SLCO4C1: variants seen among roughly 807,000 people sequenced by gnomAD.
The protein encoded by SLCO4C1 is organic anion transporter M1.
Under a neutral mutation model 72.1 loss-of-function variants are expected in SLCO4C1, and 58 were observed. That is an observed-to-expected ratio of 0.80 (90% CI 0.65 to 1.00). The LOEUF (loss-of-function observed/expected upper bound fraction) is 1.00. Ranked by LOEUF, SLCO4C1 falls within the 50% of genes least tolerant of loss-of-function variation. SLCO4C1 has a pLI of 0.00. For missense variants in SLCO4C1, 898 were observed against 857.9 expected, an observed-to-expected ratio of 1.05 and a Z score of -0.58; for synonymous variants, 297 against 312.5, an observed-to-expected ratio of 0.95 and a Z score of 0.52.
chr5:102,270,324 G>A (rs1416985298), intron 3 of SLCO4C1, among the ~76,000 whole-genome samples: 1 of 151,992 alleles, frequency 6.6e-6, no homozygotes, highest in African/African-American at 2.4e-5. Context: ...TGTCACTTGT[G>A]AAAGTTACCC....
At chr5:102,285,600 T>C (rs1351559772) in intron 2 of SLCO4C1, among the ~76,000 whole-genome samples, 2 of 152,190 alleles carry the variant, frequency 1.3e-5, no homozygotes, top group Non-Finnish European at 2.9e-5. Context: ...TAATTCATAT[T>C]ATCTAGGAAG....
intron 8 of SLCO4C1, among the ~76,000 whole-genome samples, chr5:102,251,697 A>G (rs538707865): frequency 1.3e-5 from 2 of 152,270 alleles, no homozygotes; most frequent in South Asian, 4.2e-4. Flanking sequence ...TAAGATTAAG[A>G]GTATCTCCAA....
intron 8 of SLCO4C1, among the ~76,000 whole-genome samples, chr5:102,254,474 C>A (rs1401123617): frequency 6.6e-6 from 1 of 152,018 alleles, no homozygotes; most frequent in Non-Finnish European, 1.5e-5. Context: ...TTCAGGACAC[C>A]ATGAACCATG....
intron 2 of SLCO4C1, among the ~76,000 whole-genome samples, chr5:102,289,592 T>G (rs1749517850): frequency 6.6e-6 from 1 of 152,188 alleles, no homozygotes; most frequent in Non-Finnish European, 1.5e-5. Flanking sequence ...AGATGAAAAT[T>G]TAGATATTCC....
intron 2 of SLCO4C1, among the ~76,000 whole-genome samples, chr5:102,283,103 A>G (rs891616811): frequency 6.6e-6 from 1 of 151,918 alleles, no homozygotes; most frequent in African/African-American, 2.4e-5. Context: ...ATGATCTTAG[A>G]AATATATCTA....
chr5:102,243,489 G>A lies in SLCO4C1; in HGVS notation c.1812-2707C>T, dbSNP rs74588340. Among the ~76,000 whole-genome samples the A allele has an allele frequency of 8.7e-4, 132 of 152,306 alleles. 1 individual carries two copies. The East Asian group carries it at 0.025, about 29-fold the overall frequency. On this transcript the variant is annotated intron_variant, in intron 10 of 12. Transcript: ENST00000310954. The stretch of plus-strand genomic sequence containing the variant: ...ATCACTCCACCTTCAGCTTTAGGTG[G>A]CTCAGAACAGAGGGAGAGAGACTGC...
intron 6 of SLCO4C1, among the ~76,000 whole-genome samples, chr5:102,259,718 C>G (rs977786897): frequency 1.3e-5 from 2 of 152,032 alleles, no homozygotes; most frequent in African/African-American, 2.4e-5. Flanking sequence ...ACCTCTTTCA[C>G]AAAAGAAAAA....
intron 2 of SLCO4C1, among the ~76,000 whole-genome samples, chr5:102,279,693 T>C (rs942916668): frequency 2.0e-5 from 3 of 152,036 alleles, no homozygotes; most frequent in African/African-American, 7.2e-5. Context: ...CCAAACAGAA[T>C]TCACAAATAT....
chr5:102,249,655 C>T lies in SLCO4C1; in HGVS notation c.1603G>A (p.Ala535Thr). ...TAAGCTACCTTTGGCTTCCTGTGTG[C>T]AACTGGGTTTGAACAGCCTGCAAAG... The part of the protein sequence containing the change: ...PCFAGCSNPV[A>T]HRKPKVYYNC... The change falls in exon 9 of 13, where the codon GCA becomes ACA. Residue 535 changes from alanine (A) to threonine (T), a missense_variant. By Grantham distance (58) the Ala-to-Thr change is moderately conservative. Coordinates refer to ENST00000310954, the MANE Select transcript of SLCO4C1 (RefSeq NM_180991.5). The T allele has an allele frequency of 6.2e-7, 1 of 1,613,648 alleles. No homozygotes were observed. Among genetic ancestry groups the T allele is most frequent in the Non-Finnish European group, 8.5e-7 (1 of 1,179,850 alleles).
At position 102,240,726 on chromosome 5, in the gene SLCO4C1, C is replaced by A; in HGVS notation, c.1868G>T (p.Arg623Leu). 6.2e-7 allele frequency: 1 copy of A among 1,610,116 alleles called. No individual in the cohort carries two copies. Residue 623 changes from arginine to leucine, a missense_variant, in exon 11 of 13, where the codon CGA (arginine) becomes CTA (leucine). By Grantham distance (102) the Arg-to-Leu change is moderately radical (BLOSUM62 -2). Coordinates refer to ENST00000310954, the MANE Select transcript of SLCO4C1 (RefSeq NM_180991.5). The part of the protein sequence containing the change: ...LALGIQFMVL[R>L]LLGTIPGPII... The stretch of plus-strand genomic sequence containing the variant: ...AAAGAAAAATGGCATACCTAATAAT[C>A]GAAGGACCATAAATTGTATTCCCAA...
intron 10 of SLCO4C1, among the ~76,000 whole-genome samples, chr5:102,246,369 G>A (rs544465041): frequency 6.6e-6 from 1 of 152,150 alleles, no homozygotes; most frequent in Non-Finnish European, 1.5e-5. Flanking sequence ...GCTACTATGA[G>A]CAACAATATG....
chr5:102,285,212 T>TACACACACACACACACACACAC (rs3070619), intron 2 of SLCO4C1, among the ~76,000 whole-genome samples: 33 of 147,960 alleles, frequency 2.2e-4, no homozygotes, highest in African/African-American at 7.8e-4. Flanking sequence ...TATATATACA[T>TACACACACACACACACACACAC]ACACACACAC....
At chr5:102,243,501 G>C (rs538645025) in intron 10 of SLCO4C1, among the ~76,000 whole-genome samples, 1 of 152,318 alleles carries the variant, frequency 6.6e-6, no homozygotes, top group Non-Finnish European at 1.5e-5. Flanking sequence ...TCAGAACAGA[G>C]GGAGAGAGAC....
rs1213437000 is a variant in SLCO4C1, at chr5:102,234,366, G to A, written c.*2492C>T. The A allele has an allele frequency of 6.6e-6, 1 of 152,480 alleles. No homozygotes were observed. Among genetic ancestry groups the A allele is most frequent in the South Asian group, 2.1e-4 (1 of 4,826 alleles). 9.4% of individuals were successfully genotyped at this position (152,480 alleles called of 1,614,324 possible). On this transcript the variant is annotated 3_prime_UTR_variant, in exon 13 of 13. Transcript: ENST00000310954. ...AATAATGATTATAAATTATGGTAGT[G>A]TCTGTAAAACCCTGTTATAAAGGAG...
intron 2 of SLCO4C1, among the ~76,000 whole-genome samples, chr5:102,278,300 A>C (rs550443097): frequency 1.3e-5 from 2 of 152,354 alleles, no homozygotes; most frequent in Non-Finnish European, 2.9e-5. Flanking sequence ...TCAATTTACC[A>C]AGAAGAGTAA....
rs141652265 is a variant in SLCO4C1, at chr5:102,244,231, G to A, written c.1811+3021C>T. Among the ~76,000 whole-genome samples, 29 of 152,194 alleles carry A rather than the reference G, an allele frequency of 1.9e-4. 1 individual carries two copies. In the East Asian group the frequency reaches 5.6e-3, roughly 29 times the overall value. ...AGTGGAAATTCTGGAGCTGAAAAAT[G>A]CAATTGGCGTATTGAATAATGCATC... is the stretch of plus-strand genomic sequence containing the variant. On this transcript the variant is annotated intron_variant, in intron 10 of 12. Coordinates refer to ENST00000310954, the MANE Select transcript of SLCO4C1 (RefSeq NM_180991.5).
At chr5:102,287,775 C>T (rs1036615436) in intron 2 of SLCO4C1, among the ~76,000 whole-genome samples, 5 of 151,754 alleles carry the variant, frequency 3.3e-5, no homozygotes, top group East Asian at 1.9e-4. Flanking sequence ...AGGCTGGTTT[C>T]GAACTCCTGA....
intron 11 of SLCO4C1, among the ~76,000 whole-genome samples, chr5:102,239,901 C>A (rs1392399980): frequency 1.3e-5 from 2 of 151,846 alleles, no homozygotes; most frequent in Non-Finnish European, 2.9e-5. Context: ...ATCTTATATA[C>A]CCGCCACCAT....
At chr5:102,266,047 A>G (rs1046861835) in intron 3 of SLCO4C1, among the ~76,000 whole-genome samples, 16 of 151,954 alleles carry the variant, frequency 1.1e-4, no homozygotes, top group Non-Finnish European at 2.2e-4. Context: ...ATTTGTTCCT[A>G]TGTATTTCTT....
Sources: gnomAD v4.1 joint callset for allele counts (sites outside exome capture counted in the v4.1 genomes callset) on GRCh38, gnomAD v4.1.1 for gene constraint, MANE v1.5 for transcripts, NCBI Gene and HGNC (gene_info 2026-07-23, HGNC 2026-07-21) for gene names.